BMPR1B: variants seen among roughly 807,000 people sequenced by gnomAD.
BMPR1B encodes the protein bone morphogenetic protein receptor type-1B.
BMPR1B carries 12 observed loss-of-function variants against 59.1 expected under a neutral mutation model. That is an observed-to-expected ratio of 0.20 (90% CI 0.13 to 0.33). The LOEUF (loss-of-function observed/expected upper bound fraction) is 0.33. Ranked by LOEUF, BMPR1B falls within the 10% of genes least tolerant of loss-of-function variation. The pLI, the probability that BMPR1B is intolerant of heterozygous loss-of-function variation, is 1.00. For synonymous variants in BMPR1B, 237 were observed against 207.3 expected (o/e 1.14, Z -1.23); for missense variants, 550 against 610.9 (o/e 0.90, Z 1.05).
intron 10 of BMPR1B, among the ~76,000 whole-genome samples, chr4:95,135,320 G>T (rs986902706): frequency 1.3e-5 from 2 of 152,100 alleles, no homozygotes; most frequent in Non-Finnish European, 2.9e-5. Context: ...TGTTCTTTTG[G>T]CTTAGGATTG....
chr4:95,115,873 A>G, intron 6 of BMPR1B, 86 bp downstream of exon 6: 1 of 1,207,404 alleles, frequency 8.3e-7, no homozygotes, highest in Non-Finnish European at 1.2e-6. Context: ...CTCTCAATCT[A>G]CCTGTACCAC....
At chr4:94,802,879 ATC>A (rs1723462812) in intron 1 of BMPR1B, among the ~76,000 whole-genome samples, 1 of 152,062 alleles carries the variant, frequency 6.6e-6, no homozygotes, top group East Asian at 1.9e-4. Flanking sequence ...TCTCTCAGTT[ATC>A]TCATGCTTTT....
At chr4:94,795,426 T>C (rs908258718) in intron 1 of BMPR1B, among the ~76,000 whole-genome samples, 41 of 141,642 alleles carry the variant, frequency 2.9e-4, no homozygotes, top group African/African-American at 1.1e-3. Context: ...GAAAACTTCT[T>C]ATTGAAACAT....
rs114977204 is a variant in BMPR1B, at chr4:94,951,442, A to G, written c.-112-44598A>G. Among the ~76,000 whole-genome samples the G allele has an allele frequency of 7.9e-3, 1,205 of 152,242 alleles. 15 individuals carry two copies. Among genetic ancestry groups the G allele is most frequent in the African/African-American group, 0.027 (1,137 of 41,540 alleles). Reference sequence around the variant, plus strand: ...AATAGCTCTTATTATTTTGAGATGCATTCCATCAGTATCTAGTGTATTGAG... The same window carrying G: ...AATAGCTCTTATTATTTTGAGATGCGTTCCATCAGTATCTAGTGTATTGAG... On this transcript the variant is annotated intron_variant, in intron 2 of 12. Transcript: ENST00000515059.
intron 2 of BMPR1B, among the ~76,000 whole-genome samples, chr4:94,976,965 T>C (rs1277768399): frequency 6.6e-6 from 1 of 152,230 alleles, no homozygotes; most frequent in Non-Finnish European, 1.5e-5. Context: ...TAGCTGATAA[T>C]TTCCTCTGCC....
chr4:94,996,587 G>A (rs1424096350), intron 3 of BMPR1B, among the ~76,000 whole-genome samples: 1 of 152,144 alleles, frequency 6.6e-6, no homozygotes, highest in Non-Finnish European at 1.5e-5. Flanking sequence ...GGGAATTGGG[G>A]TAACATGGGG....
intron 2 of BMPR1B, among the ~76,000 whole-genome samples, chr4:94,926,567 A>G (rs545966761): frequency 1.3e-5 from 2 of 152,214 alleles, no homozygotes; most frequent in East Asian, 3.9e-4. Context: ...TTCTCTCACA[A>G]ACACCTTGTT....
chr4:94,984,111 T>C lies in BMPR1B; in HGVS notation c.-112-11929T>C, dbSNP rs574922628. ...ATTGGAGGGGGAGGGCATGGTGTTA[T>C]GCACACTTAGGAAATTAAGAAAACA... On this transcript the variant is annotated intron_variant, in intron 2 of 12. Transcript: ENST00000515059. 7.9e-5 allele frequency among the ~76,000 whole-genome samples: 12 copies of C among 152,362 alleles called. 1 individual carries two copies. Among genetic ancestry groups the C allele is most frequent in the Admixed American group, 5.2e-4 (8 of 15,308 alleles).
chr4:95,008,293 C>T (rs561784092), intron 3 of BMPR1B, among the ~76,000 whole-genome samples: 3 of 152,214 alleles, frequency 2.0e-5, no homozygotes, highest in Non-Finnish European at 2.9e-5. Context: ...TTTGTCACCT[C>T]GATTTTCTTT....
At chr4:94,909,839 G>T (rs1237333797) in intron 2 of BMPR1B, among the ~76,000 whole-genome samples, 1 of 152,018 alleles carries the variant, frequency 6.6e-6, no homozygotes, top group Non-Finnish European at 1.5e-5. Flanking sequence ...GGCCTATTGT[G>T]TCTCCAGGTG....
At chr4:95,149,355 G>A (rs1032382541) in intron 11 of BMPR1B, among the ~76,000 whole-genome samples, 28 of 151,976 alleles carry the variant, frequency 1.8e-4, no homozygotes, top group African/African-American at 4.8e-4. Context: ...ATGTGGGGTC[G>A]GACACCCATT....
chr4:94,802,918 G>C lies in BMPR1B; in HGVS notation c.-183+44850G>C, dbSNP rs376990873. Among the ~76,000 whole-genome samples, 20 of 152,250 alleles carry C rather than the reference G, an allele frequency of 1.3e-4. No homozygotes were observed. The South Asian group carries it at 3.9e-3, about 30-fold the overall frequency. On this transcript the variant is annotated intron_variant, in intron 1 of 12. Transcript: ENST00000515059. ...TGTAGCTCTTCTCCAAGATGGGGAG[G>C]TATGTGGGATAGTGGGCAGGACAGA...
At chr4:94,983,694 T>G (rs1721236390) in intron 2 of BMPR1B, among the ~76,000 whole-genome samples, 4 of 152,256 alleles carry the variant, frequency 2.6e-5, no homozygotes, top group Non-Finnish European at 2.9e-5. Context: ...TGTCATATAC[T>G]TTCTGGTTAA....
chr4:94,926,397 G>T (rs1315120955), intron 2 of BMPR1B, among the ~76,000 whole-genome samples: 1 of 151,976 alleles, frequency 6.6e-6, no homozygotes, highest in Non-Finnish European at 1.5e-5. Context: ...GACTTTTGCA[G>T]TGTTTTCCTA....
chr4:95,001,861 C>T (rs1306882042), intron 3 of BMPR1B, among the ~76,000 whole-genome samples: 6 of 152,074 alleles, frequency 3.9e-5, no homozygotes, highest in Non-Finnish European at 8.8e-5. Context: ...TTTCTATTCC[C>T]ACCACTCCCA....
At chr4:95,001,911 T>C (rs13104170) in intron 3 of BMPR1B, among the ~76,000 whole-genome samples, 45,261 of 152,162 alleles carry the variant, frequency 0.3, 8,414 homozygotes, top group East Asian at 0.73. Flanking sequence ...TTCTTATTAA[T>C]ATTAAGGTCT....
chr4:94,866,491 C>G (rs1444082853), intron 1 of BMPR1B, among the ~76,000 whole-genome samples: 1 of 152,294 alleles, frequency 6.6e-6, no homozygotes, highest in Non-Finnish European at 1.5e-5. Flanking sequence ...AAAATCCTTC[C>G]CTGGTCTAGT....
intron 2 of BMPR1B, among the ~76,000 whole-genome samples, chr4:94,908,750 T>C (rs146159361): frequency 1.3e-5 from 2 of 152,178 alleles, no homozygotes; most frequent in Non-Finnish European, 2.9e-5. Flanking sequence ...CATTAAAGCA[T>C]TCACCGAAGT....
intron 2 of BMPR1B, among the ~76,000 whole-genome samples, chr4:94,923,980 GTTA>G (rs1458570154): frequency 1.3e-5 from 2 of 152,134 alleles, no homozygotes; most frequent in African/African-American, 2.4e-5. Flanking sequence ...GTTGCTTCCA[GTTA>G]TTATAGCATC....
Sources: allele counts gnomAD v4.1 joint callset (sites outside exome capture counted in the v4.1 genomes callset), GRCh38; gene constraint gnomAD v4.1.1; transcripts MANE v1.5; gene names NCBI Gene and HGNC (gene_info 2026-07-23, HGNC 2026-07-21).